The following BARX2 variants were observed in gnomAD, a reference collection of about 807,000 sequenced individuals.
BARX2 encodes the protein homeobox protein BarH-like 2.
BARX2 carries 11 observed loss-of-function variants against 25.5 expected under a neutral mutation model. The ratio of observed to expected loss-of-function variants is 0.43; its 90% CI spans 0.27 to 0.71. BARX2 has a LOEUF of 0.71. Among genes scored for constraint, BARX2 ranks in the 30% least tolerant of loss-of-function variants. The pLI is 0.19. For synonymous variants in BARX2, 137 were observed against 149.5 expected, an observed-to-expected ratio of 0.92 and a Z score of 0.61; for missense variants, 360 against 359.9, an observed-to-expected ratio of 1.00 and a Z score of 0.00.
At chr11:129,391,135 A>G (rs1861661870) in intron 1 of BARX2, among the ~76,000 whole-genome samples, 1 of 152,152 alleles carries the variant, frequency 6.6e-6, no homozygotes, top group South Asian at 2.1e-4. Flanking sequence ...AGGGGATTAC[A>G]TGTATTATGG....
chr11:129,452,205 C>T lies in BARX2; in HGVS notation c.*803C>T, dbSNP rs1335043713. 6.6e-6 allele frequency: 1 copy of T among 152,030 alleles called. No individual in the cohort carries two copies. Among genetic ancestry groups the T allele is most frequent in the East Asian group, 1.9e-4 (1 of 5,184 alleles). The allele number at this position is 152,030 out of a possible 1,614,324, so 9.4% of individuals were successfully genotyped here. ...CCTTCGGCATAAATGGGTTAAGGTG[C>T]CATCCCTGAAACTGCAATGCAGATA... On this transcript the variant is annotated 3_prime_UTR_variant, in exon 4 of 4. Transcript: ENST00000281437.
intron 1 of BARX2, among the ~76,000 whole-genome samples, chr11:129,426,688 A>C (rs1299024090): frequency 1.3e-5 from 2 of 152,120 alleles, no homozygotes; most frequent in Non-Finnish European, 2.9e-5. Context: ...CGCTGCCTGC[A>C]GTTTTTAGAA....
chr11:129,442,977 G>T, intron 3 of BARX2, 58 bp downstream of exon 3: 9 of 1,510,530 alleles, frequency 6.0e-6, no homozygotes, highest in Non-Finnish European at 8.3e-6. Context: ...TTTACTCCAG[G>T]GCTGTTGGGA....
In BARX2 at chr11:129,437,124, G is replaced by A. The variant is rs1293873694; in HGVS notation, c.488+73G>A. On this transcript the variant is annotated intron_variant, in intron 2 of 3. Coordinates refer to ENST00000281437, the MANE Select transcript of BARX2 (RefSeq NM_003658.5). ...GGGAGACTTGCTCCCATTGTGGGCCGTGGAGCCACAGCACTGGTACAGTGA... is the reference window on the plus strand; with the variant it reads ...GGGAGACTTGCTCCCATTGTGGGCCATGGAGCCACAGCACTGGTACAGTGA... The A allele has an allele frequency of 9.2e-6, 13 of 1,411,498 alleles. No homozygotes were observed. In the Middle Eastern group the frequency reaches 5.8e-4, roughly 63 times the overall value. 87.4% of individuals were successfully genotyped at this position (1,411,498 alleles called of 1,614,324 possible).
intron 1 of BARX2, among the ~76,000 whole-genome samples, chr11:129,415,860 A>G (rs1202840771): frequency 6.6e-6 from 1 of 152,208 alleles, no homozygotes; most frequent in Non-Finnish European, 1.5e-5. Context: ...TTAGAAGTAA[A>G]TTAGTGACTC....
intron 1 of BARX2, among the ~76,000 whole-genome samples, chr11:129,383,699 G>A (rs11221697): frequency 0.04 from 6,104 of 152,192 alleles, 294 homozygotes; most frequent in East Asian, 0.15. Context: ...GTCAAAAGAC[G>A]ACTGAAGAGA....
Position 129,452,083 on chromosome 11 carries a change from G to A in BARX2, c.*681G>A, listed in dbSNP as rs924217079. ...GCTTCATTTACCCATTCATGCCTAG[G>A]GTTCCATTATTGGAACCCTAAGCTT... On this transcript the variant is annotated 3_prime_UTR_variant, in exon 4 of 4. Transcript: ENST00000281437. 2 of 151,214 alleles carry A rather than the reference G, an allele frequency of 1.3e-5. No homozygotes were observed. Among genetic ancestry groups the A allele is most frequent in the South Asian group, 2.1e-4 (1 of 4,748 alleles). The allele number at this position is 151,214 out of a possible 1,614,324, so 9.4% of individuals were successfully genotyped here.
In BARX2 at chr11:129,442,846, C is replaced by T. The variant is rs1372439266; in HGVS notation, c.500C>T (p.Ala167Val). ...CTTGTGCCTTCTAGGTTGGACTTGGCTCAGTCTCTGGGACTCACTCAGCTG... is the reference window on the plus strand; with the variant it reads ...CTTGTGCCTTCTAGGTTGGACTTGGTTCAGTCTCTGGGACTCACTCAGCTG... ...YLSTPDRLDLAQSLGLTQLQV... is the reference protein window; with the variant it reads ...YLSTPDRLDLVQSLGLTQLQV... The change falls in exon 3 of 4, where the codon GCT (alanine) becomes GTT (valine). Residue 167 changes from alanine (A) to valine (V), a missense_variant. By Grantham distance (64) the Ala-to-Val change is moderately conservative. Around this residue, in one of 3 missense-constraint regions of BARX2, gnomAD observed 240 missense variants for 228.7 expected, o/e 1.05. Transcript: ENST00000281437. The T allele has an allele frequency of 6.2e-7, 1 of 1,613,734 alleles. No individual in the cohort carries two copies. The highest frequency in any genetic ancestry group is 1.3e-5 in the African/African-American group (1 of 74,920).
chr11:129,449,560 C>T (rs1215549986), intron 3 of BARX2, among the ~76,000 whole-genome samples: 2 of 152,184 alleles, frequency 1.3e-5, no homozygotes, highest in Non-Finnish European at 2.9e-5. Context: ...GTGTCTACTA[C>T]ATTCCAAAGC....
intron 1 of BARX2, among the ~76,000 whole-genome samples, chr11:129,395,885 G>A (rs1218510910): frequency 1.3e-5 from 2 of 152,264 alleles, no homozygotes; most frequent in East Asian, 3.9e-4. Context: ...CCCGTGCTCA[G>A]GGTTTGCTAT....
At position 129,375,954 on chromosome 11, in the gene BARX2, G is replaced by A. The variant is rs1271695415; in HGVS notation, c.-82G>A. On this transcript the variant is annotated 5_prime_UTR_variant, in exon 1 of 4. Transcript: ENST00000281437. The surrounding 1 kb of genome is among the most constrained non-coding windows in gnomAD (Gnocchi z 4.0). ...CTGCCGGGAGCGGGGCCCAGGCCCC[G>A]CCGTCGCGCCAGCCCCGCGGCCCCA... The A allele has an allele frequency of 6.9e-6, 6 of 863,964 alleles. No homozygotes were observed. The highest frequency in any genetic ancestry group is 7.0e-6 in the Non-Finnish European group (5 of 715,166). The allele number at this position is 863,964 out of a possible 1,614,324, so 53.5% of individuals were successfully genotyped here.
rs1862356914 is a variant in BARX2, at chr11:129,448,484, T to A, written c.574-2652T>A. ...AGATTTGAATAGACAATTTCTCCAA[T>A]GAAGATATACAGCTAGCCAATAAGC... On this transcript the variant is annotated intron_variant, in intron 3 of 3. Transcript: ENST00000281437. Among the ~76,000 whole-genome samples the A allele has an allele frequency of 2.6e-5, 4 of 152,338 alleles. No individual in the cohort carries two copies. The South Asian group carries it at 8.3e-4, about 32-fold the overall frequency.
At chr11:129,412,554 G>A (rs149942163) in intron 1 of BARX2, among the ~76,000 whole-genome samples, 104 of 152,378 alleles carry the variant, frequency 6.8e-4, no homozygotes, top group Admixed American at 1.2e-3. Flanking sequence ...CTCAAAGGCA[G>A]TCTGCACTCA....
At chr11:129,407,146 CCA>C (rs1209225035) in intron 1 of BARX2, among the ~76,000 whole-genome samples, 1 of 152,168 alleles carries the variant, frequency 6.6e-6, no homozygotes, top group Non-Finnish European at 1.5e-5. Flanking sequence ...GAGCCTTCAC[CCA>C]CAGAGCCTCA....
At chr11:129,381,424 T>C (rs1382194482) in intron 1 of BARX2, among the ~76,000 whole-genome samples, 2 of 152,168 alleles carry the variant, frequency 1.3e-5, no homozygotes, top group Non-Finnish European at 2.9e-5. Context: ...TTTTTCCTAG[T>C]GTATGTGAGA....
intron 2 of BARX2, among the ~76,000 whole-genome samples, chr11:129,441,789 C>T (rs1294239450): frequency 6.6e-6 from 1 of 152,200 alleles, no homozygotes; most frequent in Non-Finnish European, 1.5e-5. Flanking sequence ...AGGTAGCAGA[C>T]AGGATTTGGC....
chr11:129,427,523 A>G (rs1424016970), intron 1 of BARX2, among the ~76,000 whole-genome samples: 2 of 152,142 alleles, frequency 1.3e-5, no homozygotes, highest in Non-Finnish European at 2.9e-5. Context: ...CTGTGTATAT[A>G]TAGGTCACAC....
chr11:129,405,292 A>T (rs1423668187), intron 1 of BARX2, among the ~76,000 whole-genome samples: 1 of 152,200 alleles, frequency 6.6e-6, no homozygotes, highest in African/African-American at 2.4e-5. Flanking sequence ...AGAAGGGGTG[A>T]TGATAGAGTT....
At chr11:129,408,927 A>G (rs1313904340) in intron 1 of BARX2, among the ~76,000 whole-genome samples, 1 of 152,204 alleles carries the variant, frequency 6.6e-6, no homozygotes. Flanking sequence ...GCAAACACCC[A>G]TTGAATACGA....
Sources: allele counts gnomAD v4.1 joint callset (sites outside exome capture counted in the v4.1 genomes callset), GRCh38; gene constraint gnomAD v4.1.1; regional missense constraint gnomAD v4.1.1; non-coding constraint Gnocchi (gnomAD v3.1); transcripts MANE v1.5; gene names NCBI Gene and HGNC (gene_info 2026-07-23, HGNC 2026-07-21).